Variants in DIAPH3 observed in about 807,000 individuals in gnomAD.
DIAPH3 encodes the protein diaphanous related formin 3, also known as protein diaphanous homolog 3.
Under a neutral mutation model 144.3 loss-of-function variants are expected in DIAPH3, and 117 were observed. The ratio of observed to expected loss-of-function variants is 0.81; its 90% confidence interval spans 0.70 to 0.95. DIAPH3 has a LOEUF of 0.95. Among genes scored for constraint, DIAPH3 ranks in the 40% least tolerant of loss-of-function variants. DIAPH3 has a pLI of 0.00. For synonymous variants in DIAPH3, 519 were observed against 488.9 expected (o/e 1.06, Z -0.81); for missense variants, 1,421 against 1,412.7 (o/e 1.01, Z -0.09).
At chr13:59,879,054 T>G (rs1489943605) in intron 21 of DIAPH3, among the ~76,000 whole-genome samples, 175 bp downstream of exon 21, 1 of 152,178 alleles carries the variant, frequency 6.6e-6, no homozygotes, top group African/African-American at 2.4e-5. Context: ...TATTTGGATT[T>G]AGTTCAGAGG....
At chr13:59,974,330 T>G in intron 15 of DIAPH3, 22 bp downstream of exon 15, 7 of 1,585,768 alleles carry the variant, frequency 4.4e-6, no homozygotes, top group African/African-American at 1.3e-5. Context: ...AATACCCAAA[T>G]TCACTCAGAG....
At chr13:59,778,351 CAGGGATTATAGATT>C (rs1182385467) in intron 25 of DIAPH3, among the ~76,000 whole-genome samples, 1 of 152,184 alleles carries the variant, frequency 6.6e-6, no homozygotes, top group African/African-American at 2.4e-5. Flanking sequence ...CCACTGAGGG[CAGGGATTATAGATT>C]TCATTTATCT....
intron 27 of DIAPH3, among the ~76,000 whole-genome samples, chr13:59,773,557 A>G (rs1246118585): frequency 6.6e-6 from 1 of 152,218 alleles, no homozygotes; most frequent in African/African-American, 2.4e-5. Context: ...GAAAAAAACA[A>G]AAGCAAATAA....
intron 25 of DIAPH3, among the ~76,000 whole-genome samples, chr13:59,778,614 C>T (rs1051890553): frequency 2.6e-5 from 4 of 152,216 alleles, no homozygotes; most frequent in Non-Finnish European, 5.9e-5. Context: ...TTCTTTCTTC[C>T]TTTTCCCTTG....
chr13:59,879,212 T>A lies in DIAPH3; in HGVS notation c.2607+17A>T. The A allele has an allele frequency of 1.2e-6, 2 of 1,613,510 alleles. No individual in the cohort carries two copies. Among genetic ancestry groups the A allele is most frequent in the Non-Finnish European group, 1.7e-6 (2 of 1,179,612 alleles). ...AAGTGTTCAGGCAAATATGTGTTTTTAAAAAAACAAACTCACTTTACAGAG... is the reference window on the plus strand; with the variant it reads ...AAGTGTTCAGGCAAATATGTGTTTTAAAAAAAACAAACTCACTTTACAGAG... On this transcript the variant is annotated intron_variant, in intron 21 of 27. Transcript: ENST00000400324.
chr13:59,803,271 A>G (rs918075664), intron 25 of DIAPH3, among the ~76,000 whole-genome samples: 1 of 152,150 alleles, frequency 6.6e-6, no homozygotes, highest in African/African-American at 2.4e-5. Flanking sequence ...TGAATAAGTG[A>G]TGTTAATATA....
At chr13:59,680,760 A>G (rs1195768935) in intron 27 of DIAPH3, among the ~76,000 whole-genome samples, 2 of 152,112 alleles carry the variant, frequency 1.3e-5, no homozygotes, top group Non-Finnish European at 2.9e-5. Flanking sequence ...TAATATGTTT[A>G]TTAATTAATT....
At chr13:60,069,110 A>T (rs2057096735) in intron 4 of DIAPH3, among the ~76,000 whole-genome samples, 1 of 152,148 alleles carries the variant, frequency 6.6e-6, no homozygotes. Context: ...AACAGTGTAT[A>T]AGCATTCATT....
intron 4 of DIAPH3, among the ~76,000 whole-genome samples, chr13:60,058,186 C>CAA (rs879771778): frequency 2.0e-3 from 281 of 137,996 alleles, no homozygotes; most frequent in African/African-American, 7.0e-3. Context: ...CTCAAATCAG[C>CAA]AAAAAAAAAA....
intron 24 of DIAPH3, among the ~76,000 whole-genome samples, chr13:59,829,344 C>G (rs2041649080): frequency 1.3e-5 from 2 of 151,928 alleles, no homozygotes; most frequent in African/African-American, 4.8e-5. Flanking sequence ...CCGTTTGACA[C>G]AGCAATAGCA....
intron 27 of DIAPH3, among the ~76,000 whole-genome samples, chr13:59,735,593 T>C (rs1487467369): frequency 2.6e-5 from 4 of 152,102 alleles, no homozygotes; most frequent in Non-Finnish European, 4.4e-5. Flanking sequence ...AAGTAACATA[T>C]ATCAGGTGTC....
intron 24 of DIAPH3, among the ~76,000 whole-genome samples, chr13:59,813,121 G>T (rs2040575817): frequency 1.3e-5 from 2 of 151,570 alleles, no homozygotes; most frequent in Admixed American, 1.3e-4. Context: ...TAGCCCTGTG[G>T]GAGTACGGGC....
rs1332986417 is a variant in DIAPH3, at chr13:59,666,496, C to T, written c.*88G>A. On this transcript the variant is annotated 3_prime_UTR_variant, in exon 28 of 28. Coordinates refer to ENST00000400324, the MANE Select transcript of DIAPH3 (RefSeq NM_001042517.2). ...CATAATTTAAAACTATATAAAGTCA[C>T]TTACATAAAAGCAATTTTTTCAAGT... is the stretch of plus-strand genomic sequence containing the variant. 2.0e-6 allele frequency: 3 copies of T among 1,478,748 alleles called. No homozygotes were observed. The highest frequency in any genetic ancestry group is 1.8e-6 in the Non-Finnish European group (2 of 1,089,074). The allele number at this position is 1,478,748 out of a possible 1,614,324, so 91.6% of individuals were successfully genotyped here.
At chr13:59,982,835 G>A (rs959554105) in intron 13 of DIAPH3, among the ~76,000 whole-genome samples, 5 of 151,530 alleles carry the variant, frequency 3.3e-5, no homozygotes, top group Admixed American at 6.6e-5. Flanking sequence ...TCATGCAAAT[G>A]TTCCGAACGT....
chr13:60,161,936 G>C (rs914141234), intron 1 of DIAPH3, among the ~76,000 whole-genome samples: 2 of 152,104 alleles, frequency 1.3e-5, no homozygotes, highest in Non-Finnish European at 2.9e-5. Context: ...TGAACTGGAA[G>C]ATATAACTAA....
chr13:59,796,608 G>C (rs1364638009), intron 25 of DIAPH3, among the ~76,000 whole-genome samples: 1 of 152,172 alleles, frequency 6.6e-6, no homozygotes, highest in African/African-American at 2.4e-5. Flanking sequence ...ACACACATAT[G>C]TGCATACAGA....
chr13:59,757,550 G>A (rs952110438), intron 27 of DIAPH3, among the ~76,000 whole-genome samples: 6 of 151,634 alleles, frequency 4.0e-5, no homozygotes, highest in East Asian at 1.9e-4. Flanking sequence ...ACAGGCGCCC[G>A]CCACCACGCC....
intron 27 of DIAPH3, among the ~76,000 whole-genome samples, chr13:59,696,920 T>C (rs2033830815): frequency 6.6e-6 from 1 of 152,224 alleles, no homozygotes. Context: ...AAATAAACTT[T>C]TAATTGTATT....
chr13:59,711,612 T>C (rs1786330937), intron 27 of DIAPH3, among the ~76,000 whole-genome samples: 1 of 152,190 alleles, frequency 6.6e-6, no homozygotes, highest in Admixed American at 6.5e-5. Flanking sequence ...ACTAAGTCTT[T>C]TACTTGAATT....
Sources: gnomAD v4.1 joint callset for allele counts (sites outside exome capture counted in the v4.1 genomes callset) on GRCh38, gnomAD v4.1.1 for gene constraint, MANE v1.5 for transcripts, NCBI Gene and HGNC (gene_info 2026-07-23, HGNC 2026-07-21) for gene names.